The following PDE1A variants were observed in gnomAD, a reference collection of about 807,000 sequenced individuals.
PDE1A encodes phosphodiesterase 1A.
Under a neutral mutation model 61.7 loss-of-function variants are expected in PDE1A, and 35 were observed. That is an observed-to-expected ratio of 0.57 (90% CI 0.43 to 0.75). The LOEUF (loss-of-function observed/expected upper bound fraction) is 0.75, where lower values mean the gene tolerates loss of function less well. Ranked by LOEUF, PDE1A falls within the 30% of genes least tolerant of loss-of-function variation. The pLI is 0.00. For synonymous variants in PDE1A, 232 were observed against 213.2 expected (o/e 1.09, Z -0.77); for missense variants, 597 against 630.6 (o/e 0.95, Z 0.57).
the PDE1A span, among the ~76,000 whole-genome samples, chr2:182,675,103 C>T: frequency 6.6e-6 from 1 of 152,106 alleles, no homozygotes; most frequent in African/African-American, 2.4e-5. Flanking sequence ...CCTCTCCCTC[C>T]TCTCACCCTC....
chr2:182,515,253 A>G (rs912272566), intron 2 of PDE1A, among the ~76,000 whole-genome samples: 2 of 152,142 alleles, frequency 1.3e-5, no homozygotes, highest in African/African-American at 4.8e-5. Context: ...GCTTTTTATA[A>G]TTTACTTTTT....
intron 1 of PDE1A, among the ~76,000 whole-genome samples, chr2:182,277,155 A>T (rs1693478783): frequency 6.6e-6 from 1 of 152,014 alleles, no homozygotes; most frequent in Admixed American, 6.6e-5. Flanking sequence ...CCTTTGAAGC[A>T]TGTGATCTTT....
chr2:182,697,345 C>T, the PDE1A span, among the ~76,000 whole-genome samples: 1 of 152,212 alleles, frequency 6.6e-6, no homozygotes, highest in African/African-American at 2.4e-5. Context: ...TAAATCTCAG[C>T]TTCTTTACCT....
chr2:182,500,229 T>C (rs117330696), intron 2 of PDE1A, among the ~76,000 whole-genome samples: 195 of 152,260 alleles, frequency 1.3e-3, no homozygotes, highest in East Asian at 4.1e-3. Context: ...ACTTTACTAC[T>C]TGGCTCAGAA....
At chr2:182,510,144 G>A (rs747314155) in intron 2 of PDE1A, among the ~76,000 whole-genome samples, 45 of 151,926 alleles carry the variant, frequency 3.0e-4, no homozygotes, top group Non-Finnish European at 4.0e-4. Flanking sequence ...AAAAGTCCAC[G>A]TTTTTAAATA....
At chr2:182,404,068 T>C (rs1702168964) in intron 1 of PDE1A, among the ~76,000 whole-genome samples, 1 of 152,048 alleles carries the variant, frequency 6.6e-6, no homozygotes, top group Non-Finnish European at 1.5e-5. Flanking sequence ...AAAAAAGTCA[T>C]ATCCTACAAG....
chr2:182,494,322 A>C (rs1688579522), intron 2 of PDE1A, among the ~76,000 whole-genome samples: 1 of 122,558 alleles, frequency 8.2e-6, no homozygotes, highest in African/African-American at 3.2e-5. Context: ...AAGAAAAAGA[A>C]ACTGTGTAGA....
chr2:182,556,186 G>C, the PDE1A span, among the ~76,000 whole-genome samples: 1 of 152,030 alleles, frequency 6.6e-6, no homozygotes. Context: ...AATTATTTGA[G>C]ATGGTAGCTA....
At chr2:182,243,229 GA>G (rs982787968) in intron 2 of PDE1A, among the ~76,000 whole-genome samples, 1 of 151,940 alleles carries the variant, frequency 6.6e-6, no homozygotes, top group Non-Finnish European at 1.5e-5. Context: ...GAAAAAATGA[GA>G]ATGATCCCTT....
chr2:182,255,609 A>G (rs554676742), intron 2 of PDE1A, among the ~76,000 whole-genome samples: 3 of 149,800 alleles, frequency 2.0e-5, no homozygotes, highest in East Asian at 2.0e-4. Flanking sequence ...TTGGCTGTGC[A>G]CTAGTTAACT....
chr2:182,655,871 C>T, the PDE1A span, among the ~76,000 whole-genome samples: 5 of 152,222 alleles, frequency 3.3e-5, no homozygotes, highest in Admixed American at 2.0e-4. Flanking sequence ...CACTCCATCT[C>T]CTTTGCAACT....
intron 1 of PDE1A, among the ~76,000 whole-genome samples, chr2:182,358,564 A>G (rs1044558477): frequency 1.3e-5 from 2 of 152,048 alleles, no homozygotes; most frequent in Admixed American, 6.6e-5. Context: ...CTTTGTTCAG[A>G]TTTATTTCAC....
At chr2:182,270,767 G>A (rs1397456958) in intron 1 of PDE1A, among the ~76,000 whole-genome samples, 2 of 151,310 alleles carry the variant, frequency 1.3e-5, no homozygotes, top group African/African-American at 4.8e-5. Context: ...AAGCAGAAGC[G>A]CATGAAATCG....
At chr2:182,578,857 C>CT in the PDE1A span, among the ~76,000 whole-genome samples, 1 of 152,096 alleles carries the variant, frequency 6.6e-6, no homozygotes, top group African/African-American at 2.4e-5. Flanking sequence ...TCAGCCTCTT[C>CT]TTAGATCTCA....
intron 1 of PDE1A, among the ~76,000 whole-genome samples, chr2:182,408,582 G>C (rs1321313081): frequency 6.6e-6 from 1 of 152,138 alleles, no homozygotes; most frequent in African/African-American, 2.4e-5. Flanking sequence ...CTGTGATAAA[G>C]GGTGGACTAA....
the PDE1A span, among the ~76,000 whole-genome samples, chr2:182,676,799 C>A: frequency 4.0e-5 from 6 of 151,888 alleles, no homozygotes; most frequent in Non-Finnish European, 8.8e-5. Flanking sequence ...CATAAAGAGA[C>A]CTAAAGACAA....
chr2:182,356,512 G>A (rs1472845790), intron 1 of PDE1A, among the ~76,000 whole-genome samples: 2 of 152,090 alleles, frequency 1.3e-5, no homozygotes, highest in African/African-American at 2.4e-5. Context: ...CACTTTGGGA[G>A]CCCGAAGCAG....
chr2:182,455,067 AC>A (rs1299458306), intron 2 of PDE1A, among the ~76,000 whole-genome samples: 1 of 151,976 alleles, frequency 6.6e-6, no homozygotes, highest in Non-Finnish European at 1.5e-5. Context: ...CAAGAAAAAA[AC>A]AAACAACCCC....
the PDE1A span, among the ~76,000 whole-genome samples, chr2:182,616,473 C>T: frequency 7.9e-5 from 12 of 152,218 alleles, no homozygotes; most frequent in Non-Finnish European, 1.3e-4. Flanking sequence ...GAAAATCAAC[C>T]TAGCAATAGT....
Sources: gnomAD v4.1 joint callset for allele counts (sites outside exome capture counted in the v4.1 genomes callset) on GRCh38, gnomAD v4.1.1 for gene constraint, MANE v1.5 for transcripts, NCBI Gene and HGNC (gene_info 2026-07-23, HGNC 2026-07-21) for gene names.